The following FOXP2 variants were observed in gnomAD, a reference collection of about 807,000 sequenced individuals.
FOXP2 encodes forkhead box protein P2.
A neutral mutation model predicts 115.8 loss-of-function variants in FOXP2; 12 were observed. That is an observed-to-expected ratio of 0.10 (90% CI 0.07 to 0.17). The LOEUF is 0.17. FOXP2 is among the 10% of genes least tolerant of loss of function. The pLI is 1.00. For synonymous variants in FOXP2, 328 were observed against 297.7 expected (o/e 1.10, Z -1.05); for missense variants, 629 against 843.5 (o/e 0.75, Z 3.15).
chr7:114,407,784 T>C (rs1185235930), intron 2 of FOXP2, among the ~76,000 whole-genome samples: 1 of 152,122 alleles, frequency 6.6e-6, no homozygotes, highest in Non-Finnish European at 1.5e-5. Flanking sequence ...TATGGGTGCA[T>C]GCTTAGGAAT....
At chr7:114,618,093 C>T (rs1295275048) in intron 3 of FOXP2, among the ~76,000 whole-genome samples, 1 of 152,256 alleles carries the variant, frequency 6.6e-6, no homozygotes, top group South Asian at 2.1e-4. Context: ...CCATTTCTTC[C>T]TGTGCATTCT....
intron 1 of FOXP2, among the ~76,000 whole-genome samples, chr7:114,271,563 TATA>T (rs1796043320): frequency 7.9e-6 from 1 of 127,326 alleles, no homozygotes; most frequent in South Asian, 2.2e-4. Context: ...ATATATAATA[TATA>T]ATATAATTTA....
intron 2 of FOXP2, 116 bp downstream of exon 2, chr7:114,426,795 TTTA>T (rs1793874202): frequency 4.6e-6 from 5 of 1,097,148 alleles, no homozygotes; most frequent in South Asian, 1.4e-5. Context: ...ATGCTGAGAA[TTTA>T]TTATTATTTG....
chr7:114,673,415 A>G (rs1807598081), intron 16 of FOXP2, among the ~76,000 whole-genome samples: 1 of 152,188 alleles, frequency 6.6e-6, no homozygotes, highest in Admixed American at 6.5e-5. Flanking sequence ...CACAACTATC[A>G]CTTTTATAAA....
intron 3 of FOXP2, among the ~76,000 whole-genome samples, chr7:114,535,545 A>ACAAT (rs1277860468): frequency 6.6e-6 from 1 of 151,526 alleles, no homozygotes; most frequent in Non-Finnish European, 1.5e-5. Flanking sequence ...ACAAAACAAA[A>ACAAT]CAATTTTTTA....
At chr7:114,618,882 A>C (rs1344244917) in intron 3 of FOXP2, among the ~76,000 whole-genome samples, 2 of 152,168 alleles carry the variant, frequency 1.3e-5, no homozygotes, top group African/African-American at 4.8e-5. Context: ...TCATCTGGGT[A>C]AAGAGGCAAG....
intron 1 of FOXP2, among the ~76,000 whole-genome samples, chr7:114,147,685 A>G (rs925624091): frequency 3.3e-5 from 5 of 152,228 alleles, no homozygotes; most frequent in Non-Finnish European, 7.3e-5. Context: ...AAGAAAAATA[A>G]TTTAATTTAA....
chr7:114,292,009 G>GAATATATATATTATAGATAAT (rs1307103682), intron 2 of FOXP2, among the ~76,000 whole-genome samples: 1 of 124,820 alleles, frequency 8.0e-6, no homozygotes, highest in Admixed American at 9.0e-5. Flanking sequence ...ATAATATATA[G>GAATATATATATTATAGATAAT]ATATAACATT....
At chr7:114,517,285 C>T (rs76915454) in intron 2 of FOXP2, among the ~76,000 whole-genome samples, 1,749 of 152,044 alleles carry the variant, frequency 0.012, 30 homozygotes, top group African/African-American at 0.037. Context: ...TATATTCTCC[C>T]ATTCCATAGG....
At chr7:114,372,485 T>C (rs1792037274) in intron 2 of FOXP2, among the ~76,000 whole-genome samples, 1 of 152,200 alleles carries the variant, frequency 6.6e-6, no homozygotes, top group Non-Finnish European at 1.5e-5. Flanking sequence ...GATGTGCATT[T>C]TAAAATAAAA....
intron 2 of FOXP2, among the ~76,000 whole-genome samples, chr7:114,500,752 A>G (rs1337969377): frequency 6.6e-6 from 1 of 152,182 alleles, no homozygotes; most frequent in Non-Finnish European, 1.5e-5. Context: ...AGGTTTTGCT[A>G]CCATAGAGAA....
intron 2 of FOXP2, among the ~76,000 whole-genome samples, chr7:114,468,155 TC>T (rs1257327554): frequency 6.6e-6 from 1 of 152,206 alleles, no homozygotes; most frequent in Admixed American, 6.5e-5. Context: ...TTTAAATGGA[TC>T]ACTTCTAGAA....
chr7:114,542,424 A>G (rs1799711842), intron 3 of FOXP2, among the ~76,000 whole-genome samples: 1 of 152,104 alleles, frequency 6.6e-6, no homozygotes, highest in South Asian at 2.1e-4. Context: ...TTGGAGTTTC[A>G]ATAGGAAAGC....
chr7:114,519,219 G>T (rs1461240040), intron 2 of FOXP2, among the ~76,000 whole-genome samples: 6 of 152,110 alleles, frequency 3.9e-5, no homozygotes, highest in Non-Finnish European at 7.4e-5. Flanking sequence ...AATCATGAGT[G>T]TCTAATTTGG....
intron 3 of FOXP2, among the ~76,000 whole-genome samples, chr7:114,571,445 A>C (rs919296101): frequency 1.3e-5 from 2 of 151,832 alleles, no homozygotes; most frequent in African/African-American, 2.4e-5. Flanking sequence ...TTTTTAAATA[A>C]AGCAACTTCA....
rs543724865 is a variant in FOXP2, at chr7:114,400,818, G to A, written c.-10-25684G>A. Among the ~76,000 whole-genome samples, 12 of 152,128 alleles carry A rather than the reference G, an allele frequency of 7.9e-5. No individual in the cohort carries two copies. In the South Asian group the frequency reaches 1.9e-3, roughly 24 times the overall value. On this transcript the variant is annotated intron_variant, in intron 2 of 17. Coordinates refer to the FOXP2 transcript ENST00000634411. ...ACAGGCCATGGACTGGTACTGGTCCGTGGCCCAGGGGTTGGGGACCCCTGG... is the reference window on the plus strand; with the variant it reads ...ACAGGCCATGGACTGGTACTGGTCCATGGCCCAGGGGTTGGGGACCCCTGG...
intron 1 of FOXP2, among the ~76,000 whole-genome samples, chr7:114,218,633 T>C (rs968824439): frequency 6.6e-6 from 1 of 152,144 alleles, no homozygotes; most frequent in South Asian, 2.1e-4. Flanking sequence ...AGAAAGAAGA[T>C]AGAATAAAAA....
chr7:114,461,005 C>T (rs1795536245), intron 2 of FOXP2, among the ~76,000 whole-genome samples: 2 of 152,134 alleles, frequency 1.3e-5, no homozygotes, highest in African/African-American at 4.8e-5. Context: ...TCTGCTGACT[C>T]AAGTTATGTT....
chr7:114,258,929 C>T (rs1230093829), intron 1 of FOXP2, among the ~76,000 whole-genome samples: 2 of 152,088 alleles, frequency 1.3e-5, no homozygotes, highest in Non-Finnish European at 1.5e-5. Flanking sequence ...TCTCGATTTC[C>T]TATGGGGATG....
Sources: gnomAD v4.1 joint callset for allele counts (sites outside exome capture counted in the v4.1 genomes callset) on GRCh38, gnomAD v4.1.1 for gene constraint, MANE v1.5 for transcripts, NCBI Gene and HGNC (gene_info 2026-07-23, HGNC 2026-07-21) for gene names.